SP4: variants seen among roughly 807,000 people sequenced by gnomAD.
SP4 encodes Sp4 transcription factor.
Under a neutral mutation model 72.8 loss-of-function variants are expected in SP4, and 19 were observed. That is an observed-to-expected ratio of 0.26 (90% CI 0.18 to 0.38). SP4 has a LOEUF of 0.38. Ranked by LOEUF, SP4 falls within the 10% of genes least tolerant of loss-of-function variation. The pLI, the probability that SP4 is intolerant of heterozygous loss-of-function variation, is 1.00. For missense variants in SP4, 1,008 were observed against 926.3 expected (o/e 1.09, Z -1.14); for synonymous variants, 395 against 333.1 (o/e 1.19, Z -2.02).
rs777020921 is a variant in SP4, at chr7:21,511,145, C to T, written c.2231C>T (p.Ser744Leu). 5.6e-6 allele frequency: 9 copies of T among 1,614,050 alleles called. No homozygotes were observed. The highest frequency in any genetic ancestry group is 4.0e-5 in the African/African-American group (3 of 74,926). ...GGGACAGCTCTTGCCATTGTTACCT[C>T]GGGAGAACTGGACTCATCTGTTACA... ...GGGTALAIVTSGELDSSVTEV... is the reference protein window; with the variant it reads ...GGGTALAIVTLGELDSSVTEV... Residue 744 changes from serine (S) to leucine (L), a missense_variant, in exon 6 of 6, where the codon TCG becomes TTG. Physicochemically the swap from Ser to Leu is moderately radical, Grantham distance 145 (BLOSUM62 -2). Around this residue, in one of 3 missense-constraint regions of SP4, gnomAD observed 67 missense variants for 66.1 expected, o/e 1.01. Coordinates refer to ENST00000222584, the MANE Select transcript of SP4 (RefSeq NM_003112.5).
At chr7:21,484,459 A>G (rs1284719324) in intron 5 of SP4, among the ~76,000 whole-genome samples, 1 of 151,900 alleles carries the variant, frequency 6.6e-6, no homozygotes, top group Admixed American at 6.6e-5. Flanking sequence ...TGTATTAGGG[A>G]TGCTCACCCT....
chr7:21,451,241 T>G (rs1489927630), intron 3 of SP4, among the ~76,000 whole-genome samples: 2 of 152,200 alleles, frequency 1.3e-5, no homozygotes, highest in Non-Finnish European at 2.9e-5. Context: ...GTCCAACTCC[T>G]GAGATCTTAT....
chr7:21,450,460 C>A (rs142711247), intron 3 of SP4, among the ~76,000 whole-genome samples: 2,177 of 151,720 alleles, frequency 0.014, 54 homozygotes, highest in African/African-American at 0.05. Context: ...TTTCATTGGG[C>A]CTTCATATAA....
intron 3 of SP4, among the ~76,000 whole-genome samples, chr7:21,476,699 A>G (rs1784510770): frequency 6.6e-6 from 1 of 152,204 alleles, no homozygotes; most frequent in South Asian, 2.1e-4. Context: ...AAATGGTAAT[A>G]AAGCTTTGTG....
intron 3 of SP4, among the ~76,000 whole-genome samples, chr7:21,454,936 T>G (rs1783716251): frequency 6.6e-6 from 1 of 152,180 alleles, no homozygotes; most frequent in Non-Finnish European, 1.5e-5. Flanking sequence ...GGAGAGTTGA[T>G]CAGAGCAGGA....
chr7:21,482,791 A>G (rs1174673247), intron 5 of SP4: 1 of 973,526 alleles, frequency 1.0e-6, no homozygotes. Flanking sequence ...GCAGAATTAT[A>G]AATTTCACTT....
Position 21,513,324 on chromosome 7 carries a change from A to G in SP4, c.*2055A>G, listed in dbSNP as rs1048750364. The G allele has an allele frequency of 3.3e-5, 5 of 152,604 alleles. No individual in the cohort carries two copies. The highest frequency in any genetic ancestry group is 3.2e-3 in the Middle Eastern group (1 of 316). The allele number at this position is 152,604 out of a possible 1,614,324, so 9.5% of individuals were successfully genotyped here. A position where few individuals can be genotyped will look rare whatever the true frequency, so the allele number is the denominator to read the frequency against. ...AAAAAAATTTTTACACTGTGGTTATAAATTTCAAGTTTCTTAAAGCTTTTG... is the reference window on the plus strand; with the variant it reads ...AAAAAAATTTTTACACTGTGGTTATGAATTTCAAGTTTCTTAAAGCTTTTG... On this transcript the variant is annotated 3_prime_UTR_variant, in exon 6 of 6. Coordinates refer to ENST00000222584, the MANE Select transcript of SP4 (RefSeq NM_003112.5).
intron 3 of SP4, among the ~76,000 whole-genome samples, chr7:21,462,946 G>A (rs987516164): frequency 2.4e-4 from 36 of 152,308 alleles, no homozygotes; most frequent in African/African-American, 8.2e-4. Flanking sequence ...TTGGTCACAT[G>A]TGGCTTATAA....
At chr7:21,490,259 C>A (rs1784941188) in intron 5 of SP4, among the ~76,000 whole-genome samples, 1 of 152,210 alleles carries the variant, frequency 6.6e-6, no homozygotes, top group African/African-American at 2.4e-5. Flanking sequence ...ACCCTGCGGG[C>A]ACTGCATAGC....
At chr7:21,482,588 T>C in intron 5 of SP4, 1 of 877,402 alleles carries the variant, frequency 1.1e-6, no homozygotes, top group Non-Finnish European at 1.4e-6. Context: ...AATATTATAT[T>C]TTCTGCTTTT....
chr7:21,490,372 C>T (rs143145467), intron 5 of SP4, among the ~76,000 whole-genome samples: 7 of 152,304 alleles, frequency 4.6e-5, no homozygotes, highest in African/African-American at 7.2e-5. Flanking sequence ...GCAGATTACA[C>T]TGAAATAGTA....
chr7:21,493,411 G>A (rs73685156), intron 5 of SP4, among the ~76,000 whole-genome samples: 7,321 of 152,120 alleles, frequency 0.048, 373 homozygotes, highest in African/African-American at 0.12. Context: ...GAGGAAATTC[G>A]TAGCATTAAA....
intron 3 of SP4, among the ~76,000 whole-genome samples, chr7:21,442,018 G>C (rs1252673314): frequency 1.6e-5 from 2 of 126,096 alleles, no homozygotes; most frequent in Non-Finnish European, 3.3e-5. Context: ...GTGTGTGTGT[G>C]TGTGTGTGTG....
chr7:21,514,270 A>G lies in SP4; in HGVS notation c.*3001A>G, dbSNP rs988741099. On this transcript the variant is annotated 3_prime_UTR_variant, in exon 6 of 6. Transcript: ENST00000222584. ...GTTAATTTGTCAAACTTAGATAAGC[A>G]TGATGTTTAGGTCCTATTTTTCAAT... The G allele has an allele frequency of 2.6e-5, 4 of 152,590 alleles. No homozygotes were observed. Among genetic ancestry groups the G allele is most frequent in the African/African-American group, 7.2e-5 (3 of 41,458 alleles). The allele number at this position is 152,590 out of a possible 1,614,324, so 9.5% of individuals were successfully genotyped here.
chr7:21,454,611 T>C (rs1303828186), intron 3 of SP4, among the ~76,000 whole-genome samples: 1 of 152,242 alleles, frequency 6.6e-6, no homozygotes, highest in Non-Finnish European at 1.5e-5. Flanking sequence ...GTGTGAGTCC[T>C]ATGAAGGGGG....
intron 3 of SP4, among the ~76,000 whole-genome samples, chr7:21,459,180 C>T (rs1353475499): frequency 5.3e-5 from 8 of 152,130 alleles, no homozygotes; most frequent in Non-Finnish European, 8.8e-5. Context: ...AGTGCAGTGG[C>T]GCGATCTCAG....
intron 5 of SP4, among the ~76,000 whole-genome samples, chr7:21,487,695 T>C: frequency 6.6e-6 from 1 of 151,388 alleles, no homozygotes; most frequent in South Asian, 2.1e-4. Context: ...TTTCCAGTGT[T>C]GTAGGCGTTC....
intron 4 of SP4, among the ~76,000 whole-genome samples, chr7:21,480,985 A>T (rs1202742328): frequency 6.6e-6 from 1 of 152,038 alleles, no homozygotes; most frequent in Non-Finnish European, 1.5e-5. Context: ...CTGAGTTACA[A>T]CCCTGCTTTA....
intron 4 of SP4, 94 bp from the exon 5 acceptor site, chr7:21,481,830 C>T (rs959142237): frequency 1.2e-6 from 1 of 866,908 alleles, no homozygotes; most frequent in African/African-American, 1.7e-5. Flanking sequence ...TTCAGAGAAG[C>T]ATCATTTAAT....
Sources: gnomAD v4.1 joint callset for allele counts (sites outside exome capture counted in the v4.1 genomes callset) on GRCh38, gnomAD v4.1.1 for gene constraint, gnomAD v4.1.1 regional missense constraint, MANE v1.5 for transcripts, NCBI Gene and HGNC (gene_info 2026-07-23, HGNC 2026-07-21) for gene names.